BPTF: variants seen among roughly 807,000 people sequenced by gnomAD.
The protein encoded by BPTF is bromodomain PHD finger transcription factor, also known as nucleosome-remodeling factor subunit BPTF.
BPTF carries 18 observed loss-of-function variants against 292.5 expected under a neutral mutation model. That is an observed-to-expected ratio of 0.06 (90% CI 0.04 to 0.09). BPTF has a LOEUF of 0.09. BPTF is among the 10% of genes least tolerant of loss of function. The pLI is 1.00. For synonymous variants in BPTF, 1,225 were observed against 1,251.9 expected, an observed-to-expected ratio of 0.98 and a Z score of 0.45; for missense variants, 2,726 against 3,498.7, an observed-to-expected ratio of 0.78 and a Z score of 5.57.
intron 7 of BPTF, among the ~76,000 whole-genome samples, chr17:67,900,803 A>G (rs996717393): frequency 2.6e-5 from 4 of 152,080 alleles, no homozygotes; most frequent in African/African-American, 7.2e-5. Context: ...TGAAGTGAGA[A>G]GTTTGAGACC....
At chr17:67,888,268 T>G (rs958694727) in intron 4 of BPTF, among the ~76,000 whole-genome samples, 11 of 152,136 alleles carry the variant, frequency 7.2e-5, no homozygotes, top group African/African-American at 2.7e-4. Flanking sequence ...GACCTAAATC[T>G]AGTATTTCTC....
intron 4 of BPTF, among the ~76,000 whole-genome samples, chr17:67,886,721 T>C (rs547693096): frequency 7.8e-4 from 119 of 152,308 alleles, no homozygotes; most frequent in African/African-American, 2.8e-3. Flanking sequence ...TTTTTTGAAA[T>C]ATAAACAGGA....
intron 15 of BPTF, among the ~76,000 whole-genome samples, chr17:67,927,877 T>G (rs1277843399): frequency 3.3e-5 from 5 of 152,272 alleles, no homozygotes; most frequent in Non-Finnish European, 2.9e-5. Flanking sequence ...ATCAAGAAAT[T>G]AAATTCAGGT....
Position 67,854,877 on chromosome 17 carries a change from G to T in BPTF, c.1436+115G>T. ...TGGTATAAACCTTTGTAACTTAATAGTTATACAGTTAAATAATTTCTTAAT... is the reference window on the plus strand; with the variant it reads ...TGGTATAAACCTTTGTAACTTAATATTTATACAGTTAAATAATTTCTTAAT... On this transcript the variant is annotated intron_variant, in intron 2 of 27. Coordinates refer to ENST00000306378, the MANE Select transcript of BPTF (RefSeq NM_182641.4). This position sits in a 1 kb window ranked among gnomAD's most constrained non-coding sequence, Gnocchi z 5.6. 1.5e-6 allele frequency: 1 copy of T among 688,016 alleles called. No homozygotes were observed. The highest frequency in any genetic ancestry group is 2.0e-5 in the South Asian group (1 of 49,408). The allele number at this position is 688,016 out of a possible 1,614,324, so 42.6% of individuals were successfully genotyped here. A position where few individuals can be genotyped will look rare whatever the true frequency, so the allele number is the denominator to read the frequency against.
rs782201985 is a variant in BPTF, at chr17:67,966,667, GA to G, written c.8539+12del. The stretch of plus-strand genomic sequence containing the variant: ...TTAAGGAACCTATGGGTAAGTACAT[GA>G]GTTGAATATGAAGTTTTTCAGAAGT... On this transcript the variant is annotated intron_variant, in intron 26 of 27. Coordinates refer to ENST00000306378, the MANE Select transcript of BPTF (RefSeq NM_182641.4). The G allele has an allele frequency of 1.1e-5, 17 of 1,492,280 alleles. No homozygotes were observed. Among genetic ancestry groups the G allele is most frequent in the Non-Finnish European group, 1.5e-5 (17 of 1,115,488 alleles). The allele number at this position is 1,492,280 out of a possible 1,614,324, so 92.4% of individuals were successfully genotyped here. A position where few individuals can be genotyped will look rare whatever the true frequency, so the allele number is the denominator to read the frequency against.
Position 67,875,517 on chromosome 17 carries a change from A to C in BPTF, c.1864+497A>C, listed in dbSNP as rs185882012. 683 of 1,417,468 alleles carry C rather than the reference A, an allele frequency of 4.8e-4. 1 individual carries two copies. Among genetic ancestry groups the C allele is most frequent in the East Asian group, 3.1e-3 (121 of 38,868 alleles). 87.8% of individuals were successfully genotyped at this position (1,417,468 alleles called of 1,614,324 possible). A position where few individuals can be genotyped will look rare whatever the true frequency, so the allele number is the denominator to read the frequency against. ...GGCCATTTGCCCTGAAGCAATTTTA[A>C]AGAATATCTTTGAAGTTTTGTTGTG... On this transcript the variant is annotated intron_variant, in intron 4 of 27. Coordinates refer to ENST00000306378, the MANE Select transcript of BPTF (RefSeq NM_182641.4).
In BPTF at chr17:67,918,569, A is replaced by C. The variant is rs1424703386; in HGVS notation, c.5304-145A>C. ...TTTCTTTTAAAGGACATATAATACC[A>C]AAGTCTTACAAAACCATATTATAAA... is the stretch of plus-strand genomic sequence containing the variant. On this transcript the variant is annotated intron_variant, in intron 11 of 27. Coordinates refer to ENST00000306378, the MANE Select transcript of BPTF (RefSeq NM_182641.4). The C allele has an allele frequency of 1.4e-5, 9 of 644,128 alleles. No homozygotes were observed. In the Admixed American group the frequency reaches 3.2e-4, roughly 23 times the overall value. The allele number at this position is 644,128 out of a possible 1,614,324, so 39.9% of individuals were successfully genotyped here.
At chr17:67,944,620 G>T (rs2065655441) in intron 20 of BPTF, 3 of 523,888 alleles carry the variant, frequency 5.7e-6, no homozygotes, top group South Asian at 4.2e-5. Context: ...AAAAATAATG[G>T]TTATCTTGGT....
At position 67,936,115 on chromosome 17, in the gene BPTF, A is replaced by G. The variant is rs565698782; in HGVS notation, c.6259+4096A>G. Reference sequence around the variant, plus strand: ...GGAAATAATTTTCTTACTATAAAACATGGTTCCAGGGCATAAGGGGAAAGA... The same window carrying G: ...GGAAATAATTTTCTTACTATAAAACGTGGTTCCAGGGCATAAGGGGAAAGA... On this transcript the variant is annotated intron_variant, in intron 18 of 27. Coordinates refer to ENST00000306378, the MANE Select transcript of BPTF (RefSeq NM_182641.4). Among the ~76,000 whole-genome samples the G allele has an allele frequency of 1.4e-4, 22 of 152,332 alleles. No individual in the cohort carries two copies. The East Asian group carries it at 2.7e-3, about 19-fold the overall frequency.
chr17:67,930,918 G>C (rs2064325100), intron 17 of BPTF, among the ~76,000 whole-genome samples: 1 of 151,516 alleles, frequency 6.6e-6, no homozygotes, highest in African/African-American at 2.4e-5. Flanking sequence ...TGGTGCCACT[G>C]CACTGCAGTC....
At chr17:67,850,051 GT>G (rs2058296396) in intron 1 of BPTF, among the ~76,000 whole-genome samples, 9 of 152,162 alleles carry the variant, frequency 5.9e-5, no homozygotes, top group African/African-American at 1.9e-4. Flanking sequence ...CTGTAGTCCT[GT>G]ATTTACTTAC....
chr17:67,880,082 T>G (rs2060298289), intron 4 of BPTF, among the ~76,000 whole-genome samples: 1 of 152,212 alleles, frequency 6.6e-6, no homozygotes, highest in Admixed American at 6.5e-5. Context: ...TGGCAAATTT[T>G]TACAATTTAT....
rs1329742329 is a variant in BPTF at position 67,924,606 on chromosome 17, A to C, written c.5751+17A>C. The stretch of plus-strand genomic sequence containing the variant: ...CAGGCTAAGGTTAGTGAACAGAAGA[A>C]GGCAGAGGACATCAAGGCCCAAATG... On this transcript the variant is annotated intron_variant, in intron 15 of 27. Transcript: ENST00000306378. 3 of 1,610,988 alleles carry C rather than the reference A, an allele frequency of 1.9e-6. No homozygotes were observed. Among genetic ancestry groups the C allele is most frequent in the African/African-American group, 1.3e-5 (1 of 74,704 alleles).
At chr17:67,969,591 T>A (rs1401538209) in intron 26 of BPTF, among the ~76,000 whole-genome samples, 1 of 152,066 alleles carries the variant, frequency 6.6e-6, no homozygotes, top group African/African-American at 2.4e-5. Context: ...TTTAATGGGT[T>A]TTTATGGTCC....
At chr17:67,844,295 T>C (rs2057847353) in intron 1 of BPTF, among the ~76,000 whole-genome samples, 1 of 150,786 alleles carries the variant, frequency 6.6e-6, no homozygotes, top group Non-Finnish European at 1.5e-5. Context: ...TTGCCCAGGC[T>C]GGAGTGCAGT....
At chr17:67,947,265 T>C (rs2065883813) in intron 21 of BPTF, among the ~76,000 whole-genome samples, 1 of 152,222 alleles carries the variant, frequency 6.6e-6, no homozygotes, top group African/African-American at 2.4e-5. Context: ...ATCTATAAAC[T>C]GAGAATTACT....
chr17:67,938,547 T>C (rs997255491), intron 18 of BPTF, among the ~76,000 whole-genome samples: 2 of 152,208 alleles, frequency 1.3e-5, no homozygotes, highest in African/African-American at 4.8e-5. Flanking sequence ...AGAGGCATTA[T>C]ATGTGGGAAT....
intron 1 of BPTF, among the ~76,000 whole-genome samples, chr17:67,830,613 G>C (rs1330156416): frequency 6.6e-6 from 1 of 152,098 alleles, no homozygotes; most frequent in African/African-American, 2.4e-5. Context: ...AGTAAGGAAA[G>C]GCAGATTGAG....
At chr17:67,850,953 A>G (rs891480971) in intron 1 of BPTF, among the ~76,000 whole-genome samples, 1 of 152,240 alleles carries the variant, frequency 6.6e-6, no homozygotes, top group African/African-American at 2.4e-5. Flanking sequence ...CAATGCAGAT[A>G]TAATAAACAA....
Sources: allele counts gnomAD v4.1 joint callset (sites outside exome capture counted in the v4.1 genomes callset), GRCh38; gene constraint gnomAD v4.1.1; non-coding constraint Gnocchi (gnomAD v3.1); transcripts MANE v1.5; gene names NCBI Gene and HGNC (gene_info 2026-07-23, HGNC 2026-07-21).